The following RBFOX3 variants were observed in gnomAD, a reference collection of about 807,000 sequenced individuals.
RBFOX3 encodes RNA binding protein fox-1 homolog 3.
RBFOX3 carries 17 observed loss-of-function variants against 48.7 expected under a neutral mutation model. The ratio of observed to expected loss-of-function variants is 0.35; its 90% CI spans 0.24 to 0.52. The LOEUF is 0.52. Among genes scored for constraint, RBFOX3 ranks in the 20% least tolerant of loss-of-function variants. RBFOX3 has a pLI of 0.94. For synonymous variants in RBFOX3, 212 were observed against 209.5 expected, an observed-to-expected ratio of 1.01 and a Z score of -0.10; for missense variants, 382 against 497.5, an observed-to-expected ratio of 0.77 and a Z score of 2.21.
intron 2 of RBFOX3, among the ~76,000 whole-genome samples, chr17:79,352,251 C>T (rs1193568651): frequency 1.3e-5 from 2 of 152,148 alleles, no homozygotes; most frequent in African/African-American, 4.8e-5. Context: ...CACCAACCCC[C>T]TAGTGCTATC....
At chr17:79,381,978 C>T (rs2059981447) in intron 2 of RBFOX3, among the ~76,000 whole-genome samples, 1 of 152,220 alleles carries the variant, frequency 6.6e-6, no homozygotes, top group South Asian at 2.1e-4. Context: ...CCAAGGACAG[C>T]TCAGTGCTCC....
chr17:79,596,469 A>T (rs2093572741), intron 1 of RBFOX3, among the ~76,000 whole-genome samples: 1 of 152,000 alleles, frequency 6.6e-6, no homozygotes, highest in African/African-American at 2.4e-5. Context: ...ACCCCTTCTC[A>T]GTGGAGCCTC....
At chr17:79,459,198 A>G (rs2075032296) in intron 2 of RBFOX3, among the ~76,000 whole-genome samples, 2 of 152,146 alleles carry the variant, frequency 1.3e-5, no homozygotes, top group South Asian at 2.1e-4. Flanking sequence ...CTCAGAGTGC[A>G]TAGGGACAGC....
chr17:79,242,362 G>A lies in RBFOX3; in HGVS notation c.-73-6557C>T, dbSNP rs2062513572. 6.6e-6 allele frequency among the ~76,000 whole-genome samples: 1 copy of A among 152,132 alleles called. No individual in the cohort carries two copies. Among genetic ancestry groups the A allele is most frequent in the South Asian group, 2.1e-4 (1 of 4,816 alleles). ...TCTTTCCCTAAGGGGAGCTGGAGGT[G>A]AAGGGTGCAATTTTATAAATCACTA... On this transcript the variant is annotated intron_variant, in intron 3 of 14. Transcript: ENST00000693108. This position sits in a 1 kb window ranked among gnomAD's most constrained non-coding sequence, Gnocchi z 5.8.
At chr17:79,151,375 A>C in intron 4 of RBFOX3, among the ~76,000 whole-genome samples, 1 of 140,006 alleles carries the variant, frequency 7.1e-6, no homozygotes, top group African/African-American at 2.7e-5. Context: ...GAAGGAGGGG[A>C]AGGGGCTTCC....
chr17:79,595,131 C>T (rs919810154), intron 1 of RBFOX3, among the ~76,000 whole-genome samples: 25 of 152,180 alleles, frequency 1.6e-4, no homozygotes, highest in African/African-American at 5.3e-4. Flanking sequence ...CCCCCACCCC[C>T]GCCTGGAGAG....
chr17:79,521,249 C>T (rs1426549504), intron 1 of RBFOX3, among the ~76,000 whole-genome samples: 16 of 150,794 alleles, frequency 1.1e-4, no homozygotes, highest in African/African-American at 3.7e-4. Context: ...TGCCCAGGCA[C>T]ACACACACTC....
chr17:79,472,831 A>G (rs2077216882), intron 2 of RBFOX3, among the ~76,000 whole-genome samples: 1 of 152,140 alleles, frequency 6.6e-6, no homozygotes, highest in Admixed American at 6.5e-5. Context: ...TGGCCTCTAT[A>G]CCGGCACTTC....
intron 2 of RBFOX3, among the ~76,000 whole-genome samples, chr17:79,457,037 T>C (rs1245097668): frequency 1.3e-5 from 2 of 152,282 alleles, no homozygotes; most frequent in Admixed American, 6.5e-5. Context: ...GATAATGAGA[T>C]AGGTTGACAC....
chr17:79,323,323 C>T (rs965415736), intron 2 of RBFOX3, among the ~76,000 whole-genome samples: 1 of 152,216 alleles, frequency 6.6e-6, no homozygotes, highest in Non-Finnish European at 1.5e-5. Context: ...CCAGGAGCCA[C>T]TTACTCTTTC....
the RBFOX3 span, among the ~76,000 whole-genome samples, chr17:79,628,288 G>A: frequency 4.6e-5 from 7 of 152,100 alleles, no homozygotes; most frequent in East Asian, 1.4e-3. Flanking sequence ...GACCAACCCC[G>A]GCCTGGCCCC....
At chr17:79,108,299 A>G (rs933983695) in intron 5 of RBFOX3, among the ~76,000 whole-genome samples, 1 of 152,240 alleles carries the variant, frequency 6.6e-6, no homozygotes, top group Non-Finnish European at 1.5e-5. Context: ...TACAAATGGA[A>G]GGCTGGTAGC....
At chr17:79,631,628 G>T in the RBFOX3 span, among the ~76,000 whole-genome samples, 721 of 152,260 alleles carry the variant, frequency 4.7e-3, 5 homozygotes, top group African/African-American at 0.016. Context: ...ATGTTCTCAA[G>T]GCACCGAGGA....
intron 3 of RBFOX3, among the ~76,000 whole-genome samples, chr17:79,255,461 C>A (rs960312866): frequency 1.3e-5 from 2 of 152,092 alleles, no homozygotes; most frequent in Non-Finnish European, 2.9e-5. Flanking sequence ...AGAGCCCTGG[C>A]CCCCCATCTG....
chr17:79,199,537 G>A lies in RBFOX3; in HGVS notation c.-34+36229C>T, dbSNP rs371783903. Among the ~76,000 whole-genome samples the A allele has an allele frequency of 1.4e-3, 211 of 152,348 alleles. No individual in the cohort carries two copies. Among genetic ancestry groups the A allele is most frequent in the Non-Finnish European group, 2.5e-3 (168 of 68,024 alleles). On this transcript the variant is annotated intron_variant, in intron 4 of 14. Transcript: ENST00000693108. This position sits in a 1 kb window ranked among gnomAD's most constrained non-coding sequence, Gnocchi z 5.1. ...CCCAGTCACTGACTTAGGGCTGCCA[G>A]TGACCTCTGTGGTGGGAACAGGTGA...
In RBFOX3 at chr17:79,473,247, C is replaced by A. The variant is rs535454201; in HGVS notation, c.-175+9207G>T. 2.0e-5 allele frequency among the ~76,000 whole-genome samples: 3 copies of A among 152,346 alleles called. No homozygotes were observed. Among genetic ancestry groups the A allele is most frequent in the Non-Finnish European group, 4.4e-5 (3 of 68,028 alleles). On this transcript the variant is annotated intron_variant, in intron 2 of 14. Coordinates refer to ENST00000693108, the MANE Select transcript of RBFOX3 (RefSeq NM_001350451.2). This position sits in a 1 kb window ranked among gnomAD's most constrained non-coding sequence, Gnocchi z 4.2. ...GGCTGGCACCCATCCACAGACCTCACTTTGAGTAGCTGAGATATGGGTCAT... is the reference window on the plus strand; with the variant it reads ...GGCTGGCACCCATCCACAGACCTCAATTTGAGTAGCTGAGATATGGGTCAT...
intron 4 of RBFOX3, among the ~76,000 whole-genome samples, chr17:79,149,064 G>C (rs567008501): frequency 6.6e-6 from 1 of 152,212 alleles, no homozygotes; most frequent in Non-Finnish European, 1.5e-5. Flanking sequence ...CACCACTGAC[G>C]AACAGCGCAC....
rs917754795 is a variant in RBFOX3 at position 79,243,380 on chromosome 17, C to A, written c.-73-7575G>T. On this transcript the variant is annotated intron_variant, in intron 3 of 14. Coordinates refer to ENST00000693108, the MANE Select transcript of RBFOX3 (RefSeq NM_001350451.2). This position sits in a 1 kb window ranked among gnomAD's most constrained non-coding sequence, Gnocchi z 7.9. ...GGTCTAACTCCAACCTGCCTCCCAC[C>A]CCAGCACTTGTGCAGCCTCAACGCC... Among the ~76,000 whole-genome samples, 6 of 152,158 alleles carry A rather than the reference C, an allele frequency of 3.9e-5. No homozygotes were observed. Among genetic ancestry groups the A allele is most frequent in the Non-Finnish European group, 8.8e-5 (6 of 68,026 alleles).
chr17:79,278,055 T>C (rs2069334749), intron 3 of RBFOX3, among the ~76,000 whole-genome samples: 1 of 152,200 alleles, frequency 6.6e-6, no homozygotes, highest in African/African-American at 2.4e-5. Flanking sequence ...TCTGCAAATG[T>C]ACACAAAATG....
Sources: allele counts gnomAD v4.1 joint callset (sites outside exome capture counted in the v4.1 genomes callset), GRCh38; gene constraint gnomAD v4.1.1; non-coding constraint Gnocchi (gnomAD v3.1); transcripts MANE v1.5; gene names NCBI Gene and HGNC (gene_info 2026-07-23, HGNC 2026-07-21).